ATAD3B: variants seen among roughly 807,000 people sequenced by gnomAD.
ATAD3B encodes ATPase family AAA domain containing 3B.
ATAD3B carries 59 observed loss-of-function variants against 70.2 expected under a neutral mutation model. That is an observed-to-expected ratio of 0.84 (90% CI 0.68 to 1.04). ATAD3B has a LOEUF of 1.04. ATAD3B is among the 50% of genes least tolerant of loss of function. ATAD3B has a pLI of 0.00. For synonymous variants in ATAD3B, 423 were observed against 388.6 expected (o/e 1.09, Z -1.04); for missense variants, 961 against 913.4 (o/e 1.05, Z -0.67).
chr1:1,499,980 C>G (rs1173814713), downstream of ATAD3B, among the ~76,000 whole-genome samples: 1 of 151,096 alleles, frequency 6.6e-6, no homozygotes, highest in East Asian at 2.0e-4. Context: ...TCACTGCAAC[C>G]TCCGCCTCCC....
rs542649923 is a variant in ATAD3B at position 1,477,578 on chromosome 1, C to T, written c.282+228C>T. On this transcript the variant is annotated intron_variant, in intron 2 of 15. Coordinates refer to ENST00000673477, the MANE Select transcript of ATAD3B (RefSeq NM_031921.6). ...GTCAGTGTTGGTGAGGGCGTCTGGTCGTCCTGAGGGAGGGCCGGTGTTGGT... is the reference window on the plus strand; with the variant it reads ...GTCAGTGTTGGTGAGGGCGTCTGGTTGTCCTGAGGGAGGGCCGGTGTTGGT... 6.6e-5 allele frequency among the ~76,000 whole-genome samples: 10 copies of T among 151,778 alleles called. 1 individual carries two copies. Among genetic ancestry groups the T allele is most frequent in the South Asian group, 4.2e-4 (2 of 4,796 alleles).
At chr1:1,482,722 C>G (rs1476126687) in intron 7 of ATAD3B, 108 bp downstream of exon 7, 1 of 1,558,326 alleles carries the variant, frequency 6.4e-7, no homozygotes, top group East Asian at 2.3e-5. Flanking sequence ...CCCTGTAGCT[C>G]TCCCAGCACA....
At chr1:1,487,541 G>C (rs1369039471) in intron 11 of ATAD3B, among the ~76,000 whole-genome samples, 1 of 151,868 alleles carries the variant, frequency 6.6e-6, no homozygotes, top group Non-Finnish European at 1.5e-5. Context: ...CACTGCACTG[G>C]GTCGCTGTGT....
chr1:1,505,145 C>G, the ATAD3B span, among the ~76,000 whole-genome samples: 2 of 151,996 alleles, frequency 1.3e-5, no homozygotes, highest in Non-Finnish European at 2.9e-5. Context: ...TTATTGGATA[C>G]AAGACAAAGG....
rs819983 is a variant in ATAD3B, at chr1:1,495,314, C to G, written c.1615-171C>G. On this transcript the variant is annotated intron_variant, in intron 15 of 15. Coordinates refer to ENST00000673477, the MANE Select transcript of ATAD3B (RefSeq NM_031921.6). ...GGCTGTGGGCACTGCAGGGGCCGCT[C>G]CCAGTGTCCACACGCGTGCTGGGCT... 1.9e-3 allele frequency among the ~76,000 whole-genome samples: 287 copies of G among 152,106 alleles called. 2 individuals carry two copies. The highest frequency in any genetic ancestry group is 0.014 in the Middle Eastern group (4 of 294).
At chr1:1,508,358 C>G in the ATAD3B span, among the ~76,000 whole-genome samples, 4 of 150,768 alleles carry the variant, frequency 2.7e-5, no homozygotes, top group South Asian at 8.3e-4. Context: ...TCTATCGTGG[C>G]GACGGTGTTG....
chr1:1,479,773 G>A (rs1175871155), intron 4 of ATAD3B, among the ~76,000 whole-genome samples: 1 of 139,878 alleles, frequency 7.1e-6, no homozygotes, highest in African/African-American at 2.8e-5. Flanking sequence ...ACACATGGGG[G>A]CTTACACACC....
the ATAD3B span, among the ~76,000 whole-genome samples, chr1:1,505,605 C>G: frequency 1.4e-3 from 213 of 152,264 alleles, 2 homozygotes; most frequent in African/African-American, 5.1e-3. Flanking sequence ...GCTTAGGTCA[C>G]GGGTGCCTTC....
chr1:1,489,736 C>T (rs867064897), intron 13 of ATAD3B: 23 of 1,309,244 alleles, frequency 1.8e-5, no homozygotes, highest in Middle Eastern at 2.9e-4. Context: ...GCTGGTCGGC[C>T]GTGGCTGACT....
At chr1:1,495,453 C>T (rs769137896) in intron 15 of ATAD3B, 32 bp from the exon 16 acceptor site, 23 of 1,565,708 alleles carry the variant, frequency 1.5e-5, no homozygotes, top group Admixed American at 1.8e-5. Context: ...GTTCCCATAG[C>T]GGCCTCCCTC....
At chr1:1,489,957 T>C in intron 13 of ATAD3B, 1 of 1,263,290 alleles carries the variant, frequency 7.9e-7, no homozygotes. Context: ...GGGGCTCAGG[T>C]AGCAGGAGGG....
At chr1:1,505,628 G>A in the ATAD3B span, among the ~76,000 whole-genome samples, 31 of 152,232 alleles carry the variant, frequency 2.0e-4, 1 homozygote, top group East Asian at 4.8e-3. Flanking sequence ...AGGCGCTGGC[G>A]TTACTGCTAG....
chr1:1,503,055 T>C, the ATAD3B span, among the ~76,000 whole-genome samples: 4 of 150,752 alleles, frequency 2.7e-5, no homozygotes, highest in African/African-American at 7.3e-5. Context: ...AAACCCTGTC[T>C]CTACTAAAAA....
chr1:1,507,555 G>T, the ATAD3B span, among the ~76,000 whole-genome samples: 1 of 152,246 alleles, frequency 6.6e-6, no homozygotes, highest in Non-Finnish European at 1.5e-5. Flanking sequence ...CTTGGTCAGG[G>T]TGTATAATTT....
downstream of ATAD3B, among the ~76,000 whole-genome samples, chr1:1,500,548 C>T (rs551292351): frequency 5.0e-5 from 7 of 138,706 alleles, no homozygotes; most frequent in East Asian, 9.4e-4. Flanking sequence ...AGCGAGACTC[C>T]GTCTCAAAAA....
chr1:1,478,276 C>G (rs1639703619), intron 2 of ATAD3B: 1 of 796,916 alleles, frequency 1.3e-6, no homozygotes. Flanking sequence ...GGATTATAGG[C>G]AAGAGCGATG....
chr1:1,490,041 G>A, intron 13 of ATAD3B: 1 of 1,397,684 alleles, frequency 7.2e-7, no homozygotes. Flanking sequence ...CAAGAACAGA[G>A]GCCCGAGAAG....
At position 1,496,046 on chromosome 1, in the gene ATAD3B, C is replaced by A. The variant is rs1640779407; in HGVS notation, c.*229C>A. On this transcript the variant is annotated 3_prime_UTR_variant, in exon 16 of 16. Coordinates refer to ENST00000673477, the MANE Select transcript of ATAD3B (RefSeq NM_031921.6). ...CCAGGTGAGGGGGGGCCTGCCAGGA[C>A]TAGACAGAAGTGGGGCGGCCTGAAC... The A allele has an allele frequency of 7.6e-7, 1 of 1,317,190 alleles. No homozygotes were observed. Among genetic ancestry groups the A allele is most frequent in the Non-Finnish European group, 9.7e-7 (1 of 1,032,924 alleles). The allele number at this position is 1,317,190 out of a possible 1,614,324, so 81.6% of individuals were successfully genotyped here.
chr1:1,503,663 T>A, the ATAD3B span: 22 of 1,611,312 alleles, frequency 1.4e-5, no homozygotes, highest in Admixed American at 3.5e-4. Context: ...AAGCTCAAAG[T>A]GAGTGGGGCC....
Sources: allele counts gnomAD v4.1 joint callset (sites outside exome capture counted in the v4.1 genomes callset), GRCh38; gene constraint gnomAD v4.1.1; transcripts MANE v1.5; gene names NCBI Gene and HGNC (gene_info 2026-07-23, HGNC 2026-07-21).